The following TLR6 variants were observed in gnomAD, a reference collection of about 807,000 sequenced individuals.
TLR6 encodes toll-like receptor 6.
TLR6 carries 9 observed loss-of-function variants against 16.1 expected under a neutral mutation model. The observed-to-expected ratio is 0.56, with a 90% CI of 0.34 to 0.98. TLR6 has a LOEUF of 0.98. Ranked by LOEUF, TLR6 falls within the 50% of genes least tolerant of loss-of-function variation. The pLI is 0.02. For missense variants in TLR6, 786 were observed against 921.0 expected (o/e 0.85, Z 1.90); for synonymous variants, 340 against 338.6 (o/e 1.00, Z -0.04).
At chr4:38,827,085 A>G in exon 2 of TLR6, 1 of 1,567,474 alleles carries the variant, frequency 6.4e-7, no homozygotes, top group South Asian at 1.2e-5. Context: ...AAATTTTTTT[A>G]AGATTTCACA....
the TLR6 span, among the ~76,000 whole-genome samples, chr4:38,862,804 C>G: frequency 6.6e-6 from 1 of 150,798 alleles, no homozygotes; most frequent in Non-Finnish European, 1.5e-5. Context: ...ACCCTGTTAA[C>G]CAGGATGGTC....
rs765891655 is a variant in TLR6 at position 38,829,131 on chromosome 4, T to C, written c.343A>G (p.Ile115Val). The change falls in exon 2 of 2, where the codon ATA becomes GTA. Residue 115 changes from isoleucine (I) to valine (V), a missense_variant. Ile to Val is a conservative substitution (Grantham distance 29). Transcript: ENST00000436693. ...AAACTCACAATAGGATGGCAGGATA[T>C]CTTTTGCAACTGATTATGAGATAAA... 5 of 1,614,092 alleles carry C rather than the reference T, an allele frequency of 3.1e-6. No individual in the cohort carries two copies. The South Asian group carries it at 5.5e-5, about 18-fold the overall frequency.
upstream of TLR6, among the ~76,000 whole-genome samples, chr4:38,858,251 C>T (rs1317492220): frequency 6.6e-6 from 1 of 152,164 alleles, no homozygotes; most frequent in African/African-American, 2.4e-5. Flanking sequence ...CCCTTAACCT[C>T]CATTTATTCA....
At chr4:38,844,404 C>T (rs1712424740) in intron 1 of TLR6, among the ~76,000 whole-genome samples, 1 of 152,100 alleles carries the variant, frequency 6.6e-6, no homozygotes, top group Non-Finnish European at 1.5e-5. Flanking sequence ...AACAGTTATG[C>T]AGCAAGTAAT....
chr4:38,846,522 G>C (rs1402002883), intron 1 of TLR6, among the ~76,000 whole-genome samples: 1 of 152,108 alleles, frequency 6.6e-6, no homozygotes, highest in East Asian at 1.9e-4. Context: ...AGGCCAAAGA[G>C]ACAGAAAACA....
At chr4:38,834,181 C>A (rs11489108) in intron 1 of TLR6, among the ~76,000 whole-genome samples, 22,998 of 150,800 alleles carry the variant, frequency 0.15, 3,475 homozygotes, top group African/African-American at 0.37. Flanking sequence ...GAGGTTGCAG[C>A]GAGCTGAGAT....
upstream of TLR6, among the ~76,000 whole-genome samples, chr4:38,860,075 TAATAAATA>T (rs199763798): frequency 0.031 from 4,707 of 152,030 alleles, 204 homozygotes; most frequent in African/African-American, 0.085. Flanking sequence ...TTTCTCCAGA[TAATAAATA>T]AATAAATAAA....
At chr4:38,828,033 C>T (rs370424337) in exon 2 of TLR6, 1 of 1,614,202 alleles carries the variant, frequency 6.2e-7, no homozygotes, top group African/African-American at 1.3e-5. Flanking sequence ...GAATTGAAAG[C>T]AACATTGAGT....
exon 2 of TLR6, chr4:38,826,955 T>C: frequency 1.3e-6 from 1 of 787,960 alleles, no homozygotes. Context: ...GATGAAACAT[T>C]GTTTTTGTTA....
intron 1 of TLR6, among the ~76,000 whole-genome samples, chr4:38,829,896 G>C (rs747975084): frequency 6.6e-6 from 1 of 152,226 alleles, no homozygotes; most frequent in Non-Finnish European, 1.5e-5. Flanking sequence ...ACTAGCTGCA[G>C]CCACCTGAGC....
chr4:38,831,121 T>G (rs1711550859), intron 1 of TLR6, among the ~76,000 whole-genome samples: 1 of 151,754 alleles, frequency 6.6e-6, no homozygotes. Flanking sequence ...ATCAAGGCAG[T>G]GTGGTTTTGG....
At chr4:38,857,222 T>C (rs1302835437), upstream of TLR6, among the ~76,000 whole-genome samples, 1 of 152,188 alleles carries the variant, frequency 6.6e-6, no homozygotes, top group Non-Finnish European at 1.5e-5. Context: ...CTGGATGAGA[T>C]AGTTTAAAAT....
chr4:38,850,269 AG>A (rs1295470448), intron 1 of TLR6, among the ~76,000 whole-genome samples: 1 of 152,240 alleles, frequency 6.6e-6, no homozygotes, highest in Non-Finnish European at 1.5e-5. Context: ...TGCCCACAAG[AG>A]AAAGCAGGAA....
chr4:38,847,326 G>A (rs972519171), intron 1 of TLR6, among the ~76,000 whole-genome samples: 2 of 152,048 alleles, frequency 1.3e-5, no homozygotes, highest in Admixed American at 1.3e-4. Flanking sequence ...GGCCAAATAG[G>A]AACAGCTCCA....
chr4:38,827,066 G>T, exon 2 of TLR6: 2 of 1,536,536 alleles, frequency 1.3e-6, no homozygotes, highest in East Asian at 2.3e-5. Flanking sequence ...TTCTTAAGTT[G>T]AATTTCCTAA....
At chr4:38,862,401 C>T in the TLR6 span, among the ~76,000 whole-genome samples, 1 of 151,798 alleles carries the variant, frequency 6.6e-6, no homozygotes, top group African/African-American at 2.4e-5. Flanking sequence ...TTGCCTCAGC[C>T]TTCTGAGTAG....
At chr4:38,842,295 A>T (rs1712302248) in intron 1 of TLR6, among the ~76,000 whole-genome samples, 1 of 152,184 alleles carries the variant, frequency 6.6e-6, no homozygotes, top group African/African-American at 2.4e-5. Context: ...GGCTATATTT[A>T]TATCTTAAGG....
At chr4:38,866,257 C>T in the TLR6 span, among the ~76,000 whole-genome samples, 11 of 151,312 alleles carry the variant, frequency 7.3e-5, no homozygotes, top group Non-Finnish European at 1.6e-4. Context: ...TTTGGGAGGC[C>T]GAGGTGGGTG....
upstream of TLR6, among the ~76,000 whole-genome samples, chr4:38,858,753 GA>G (rs1329790137): frequency 2.5e-3 from 176 of 69,410 alleles, 7 homozygotes; most frequent in East Asian, 0.025. Context: ...GAGAGAGAGA[GA>G]GAGGGAGAGA....
Sources: allele counts gnomAD v4.1 joint callset (sites outside exome capture counted in the v4.1 genomes callset), GRCh38; gene constraint gnomAD v4.1.1; transcripts MANE v1.5; gene names NCBI Gene and HGNC (gene_info 2026-07-23, HGNC 2026-07-21).